MBD2: variants seen among roughly 807,000 people sequenced by gnomAD.
MBD2 encodes methyl-CpG binding domain protein 2, also known as methyl-CpG-binding domain protein 2.
A neutral mutation model predicts 39.3 loss-of-function variants in MBD2; 9 were observed. The ratio of observed to expected loss-of-function variants is 0.23; its 90% CI spans 0.14 to 0.40. The LOEUF (loss-of-function observed/expected upper bound fraction) is 0.40. Ranked by LOEUF, MBD2 falls within the 10% of genes least tolerant of loss-of-function variation. MBD2 has a pLI of 1.00. For missense variants in MBD2, 458 were observed against 532.6 expected, an observed-to-expected ratio of 0.86 and a Z score of 1.38; for synonymous variants, 233 against 211.1, an observed-to-expected ratio of 1.10 and a Z score of -0.90.
At chr18:54,220,322 C>G (rs1379677023) in intron 1 of MBD2, among the ~76,000 whole-genome samples, 1 of 152,006 alleles carries the variant, frequency 6.6e-6, no homozygotes, top group South Asian at 2.1e-4. Flanking sequence ...AACAAACACA[C>G]TAGATGATAA....
chr18:54,181,769 G>A (rs1387801043), intron 3 of MBD2, among the ~76,000 whole-genome samples: 1 of 152,218 alleles, frequency 6.6e-6, no homozygotes, highest in African/African-American at 2.4e-5. Flanking sequence ...AAAGTGCTGG[G>A]ATTACAGGTG....
At chr18:54,175,569 C>G (rs1441024844) in intron 3 of MBD2, among the ~76,000 whole-genome samples, 1 of 152,338 alleles carries the variant, frequency 6.6e-6, no homozygotes, top group East Asian at 1.9e-4. Context: ...GTGACAGATG[C>G]ACTTGAACAC....
chr18:54,194,493 T>G (rs1347687748), intron 2 of MBD2, among the ~76,000 whole-genome samples: 1 of 151,976 alleles, frequency 6.6e-6, no homozygotes, highest in Non-Finnish European at 1.5e-5. Context: ...AGTATATATG[T>G]GACCAAAATA....
In MBD2 at chr18:54,177,745, G is replaced by C. The variant is rs184716122; in HGVS notation, c.840+11129C>G. Among the ~76,000 whole-genome samples, 3 of 144,736 alleles carry C rather than the reference G, an allele frequency of 2.1e-5. No homozygotes were observed. The Admixed American group carries it at 2.1e-4, about 10-fold the overall frequency. The allele number at this position is 144,736 out of a possible 152,430, so 95.0% of individuals were successfully genotyped here. A position where few individuals can be genotyped will look rare whatever the true frequency, so the allele number is the denominator to read the frequency against. The stretch of plus-strand genomic sequence containing the variant: ...TCCGCCCGCCTCAGCCTCCCAAGAT[G>C]CTGGGATTACAGGCGTGAGCCACTA... On this transcript the variant is annotated intron_variant, in intron 3 of 6. Coordinates refer to ENST00000256429, the MANE Select transcript of MBD2 (RefSeq NM_003927.5).
chr18:54,213,205 C>T (rs2086525102), intron 1 of MBD2, among the ~76,000 whole-genome samples: 1 of 152,100 alleles, frequency 6.6e-6, no homozygotes, highest in African/African-American at 2.4e-5. Flanking sequence ...CTGACCGTGG[C>T]CCGTTAAGAA....
chr18:54,161,401 A>G (rs1213619478), intron 5 of MBD2, among the ~76,000 whole-genome samples: 1 of 152,202 alleles, frequency 6.6e-6, no homozygotes, highest in Non-Finnish European at 1.5e-5. Flanking sequence ...GTCATGGGGC[A>G]GGGTCAAGCA....
At position 54,202,422 on chromosome 18, in the gene MBD2, C is replaced by T. The variant is rs147757935; in HGVS notation, c.702+2576G>A. Among the ~76,000 whole-genome samples, 45 of 152,300 alleles carry T rather than the reference C, an allele frequency of 3.0e-4. No individual in the cohort carries two copies. In the East Asian group the frequency reaches 7.7e-3, roughly 26 times the overall value. ...CAGATTTCTATTAATTACTTTAAAG[C>T]TCTTAGCTTTCTTTACACTGTACCA... On this transcript the variant is annotated intron_variant, in intron 2 of 6. Coordinates refer to ENST00000256429, the MANE Select transcript of MBD2 (RefSeq NM_003927.5).
chr18:54,216,335 G>T (rs8094185), intron 1 of MBD2, among the ~76,000 whole-genome samples: 1 of 152,172 alleles, frequency 6.6e-6, no homozygotes, highest in Non-Finnish European at 1.5e-5. Flanking sequence ...CCTATAAGGG[G>T]AGTCAGGCCT....
intron 2 of MBD2, among the ~76,000 whole-genome samples, chr18:54,200,583 A>G (rs2086398438): frequency 6.6e-6 from 1 of 152,190 alleles, no homozygotes; most frequent in Non-Finnish European, 1.5e-5. Context: ...AAATGTTGAC[A>G]GTCACATCTG....
At chr18:54,202,966 TGGGTCTTG>T (rs1381716479) in intron 2 of MBD2, 1 of 986,414 alleles carries the variant, frequency 1.0e-6, no homozygotes, top group Non-Finnish European at 1.6e-6. Flanking sequence ...ACAATGAAGC[TGGGTCTTG>T]GATGAGTAGG....
intron 5 of MBD2, 79 bp from the exon 6 acceptor site, chr18:54,159,982 T>A: frequency 6.9e-7 from 1 of 1,443,048 alleles, no homozygotes; most frequent in Non-Finnish European, 9.4e-7. Context: ...AGTTCATCCT[T>A]ACTTCAAAAT....
intron 3 of MBD2, among the ~76,000 whole-genome samples, chr18:54,181,266 A>G (rs1026658547): frequency 3.3e-5 from 5 of 152,242 alleles, no homozygotes; most frequent in African/African-American, 7.2e-5. Flanking sequence ...AAGACTGACC[A>G]TATCTCCAGA....
rs1448442148 is a variant in MBD2 at position 54,164,710 on chromosome 18, G to A, written c.932-10C>T. On this transcript the variant is annotated splice_polypyrimidine_tract_variant and intron_variant, in intron 4 of 6. Coordinates refer to ENST00000256429, the MANE Select transcript of MBD2 (RefSeq NM_003927.5). ...CTACCTGGACCAACTCCTGCAATGAGAAACAAGTACTAGTTAAAGGAAATG... is the reference window on the plus strand; with the variant it reads ...CTACCTGGACCAACTCCTGCAATGAAAAACAAGTACTAGTTAAAGGAAATG... The A allele has an allele frequency of 1.3e-6, 2 of 1,593,352 alleles. No homozygotes were observed. Among genetic ancestry groups the A allele is most frequent in the African/African-American group, 1.3e-5 (1 of 74,604 alleles).
chr18:54,166,275 T>G (rs1471622103), intron 3 of MBD2, 109 bp from the exon 4 acceptor site: 1 of 677,394 alleles, frequency 1.5e-6, no homozygotes, highest in African/African-American at 1.8e-5. Context: ...TTCCTATAAT[T>G]TCCTCATTTT....
intron 5 of MBD2, among the ~76,000 whole-genome samples, chr18:54,164,212 C>T (rs1331129149): frequency 6.6e-6 from 1 of 152,118 alleles, no homozygotes; most frequent in Non-Finnish European, 1.5e-5. Flanking sequence ...AATAGAAAGT[C>T]AGAATCCCAA....
At chr18:54,162,686 G>T (rs1014753242) in intron 5 of MBD2, among the ~76,000 whole-genome samples, 12 of 152,162 alleles carry the variant, frequency 7.9e-5, no homozygotes, top group African/African-American at 2.2e-4. Context: ...AGATGGAAAA[G>T]AACTTGTCTC....
At chr18:54,179,013 C>T (rs1275643519) in intron 3 of MBD2, among the ~76,000 whole-genome samples, 1 of 152,076 alleles carries the variant, frequency 6.6e-6, no homozygotes, top group East Asian at 1.9e-4. Flanking sequence ...GACCCCATCC[C>T]TACAAAAAGT....
intron 1 of MBD2, among the ~76,000 whole-genome samples, chr18:54,215,282 G>A (rs2086547733): frequency 6.6e-6 from 1 of 152,008 alleles, no homozygotes; most frequent in African/African-American, 2.4e-5. Context: ...AACTTGACAG[G>A]GTAAGTTTAT....
intron 3 of MBD2, among the ~76,000 whole-genome samples, chr18:54,177,765 C>A (rs952430765): frequency 3.2e-5 from 4 of 126,464 alleles, no homozygotes; most frequent in Non-Finnish European, 6.8e-5. Flanking sequence ...CAGGCGTGAG[C>A]CACTAAATTA....
Sources: gnomAD v4.1 joint callset for allele counts (sites outside exome capture counted in the v4.1 genomes callset) on GRCh38, gnomAD v4.1.1 for gene constraint, MANE v1.5 for transcripts, NCBI Gene and HGNC (gene_info 2026-07-23, HGNC 2026-07-21) for gene names.